ULK4: variants seen among roughly 807,000 people sequenced by gnomAD.
ULK4 encodes the protein unc-51 like kinase 4, also known as inactive serine/threonine-protein kinase ULK4.
In ULK4, 133 loss-of-function variants were observed where a neutral mutation model predicts 160.6. The ratio of observed to expected loss-of-function variants is 0.83; its 90% confidence interval spans 0.72 to 0.96. The LOEUF is 0.96. Ranked by LOEUF, ULK4 falls within the 40% of genes least tolerant of loss-of-function variation. ULK4 has a pLI of 0.00. For missense variants in ULK4, 1,580 were observed against 1,499.5 expected (o/e 1.05, Z -0.89); for synonymous variants, 534 against 539.8 (o/e 0.99, Z 0.15).
chr3:41,336,094 C>T (rs1475131920), intron 35 of ULK4, among the ~76,000 whole-genome samples: 1 of 152,176 alleles, frequency 6.6e-6, no homozygotes, highest in Non-Finnish European at 1.5e-5. Context: ...CCTAAACTTA[C>T]TCAGCTCTGG....
chr3:41,706,814 C>T lies in ULK4; in HGVS notation c.2635-1509G>A, dbSNP rs902134073. On this transcript the variant is annotated intron_variant, in intron 25 of 36. Coordinates refer to ENST00000301831, the MANE Select transcript of ULK4 (RefSeq NM_017886.4). Reference sequence around the variant, plus strand: ...CTGCAGTCCAGCCTGGCCGACAGAGCGAGACTCTGTCTCAAAAAAAAAAAA... The same window carrying T: ...CTGCAGTCCAGCCTGGCCGACAGAGTGAGACTCTGTCTCAAAAAAAAAAAA... 1.7e-4 allele frequency among the ~76,000 whole-genome samples: 20 copies of T among 119,808 alleles called. No individual in the cohort carries two copies. The East Asian group carries it at 3.6e-3, about 22-fold the overall frequency. 78.6% of individuals were successfully genotyped at this position (119,808 alleles called of 152,430 possible).
intron 18 of ULK4, among the ~76,000 whole-genome samples, chr3:41,831,633 C>T (rs1235560925): frequency 6.6e-6 from 1 of 151,360 alleles, no homozygotes; most frequent in African/African-American, 2.4e-5. Context: ...TTGTACCTAT[C>T]AACCCATCAT....
In ULK4 at chr3:41,800,179, G is replaced by A. The variant is rs371451906; in HGVS notation, c.1963C>T (p.Leu655=). Residue 655 remains leucine, a synonymous_variant, in exon 20 of 37, where the codon CTA becomes TTA. Coordinates refer to ENST00000301831, the MANE Select transcript of ULK4 (RefSeq NM_017886.4). ...TGEIGPILWY[L]FRHSTADSLR... is the part of the protein sequence containing the mutation. ...GAATCAGCAGTGGAGTGTCTGAATA[G>A]GTACCACAAAATGGGTCCTATTTCT... 2.2e-5 allele frequency: 35 copies of A among 1,613,652 alleles called. No individual in the cohort carries two copies. In the African/African-American group the frequency reaches 2.9e-4, roughly 14 times the overall value.
At chr3:41,445,367 A>G (rs1454403056) in intron 34 of ULK4, among the ~76,000 whole-genome samples, 1 of 152,240 alleles carries the variant, frequency 6.6e-6, no homozygotes, top group Admixed American at 6.5e-5. Context: ...GAATTGGAAA[A>G]AACAACTTTC....
At chr3:41,447,629 T>C (rs148417766) in intron 34 of ULK4, among the ~76,000 whole-genome samples, 129 of 152,300 alleles carry the variant, frequency 8.5e-4, no homozygotes, top group African/African-American at 3.0e-3. Flanking sequence ...GTAATGATGC[T>C]GTGGCATCTA....
chr3:41,745,064 C>T (rs189612525), intron 22 of ULK4, among the ~76,000 whole-genome samples: 1 of 151,406 alleles, frequency 6.6e-6, no homozygotes. Context: ...ACAAAAGCAT[C>T]TGAGAGACAG....
intron 30 of ULK4, among the ~76,000 whole-genome samples, chr3:41,642,225 C>A (rs1437724844): frequency 6.6e-6 from 1 of 151,954 alleles, no homozygotes; most frequent in Non-Finnish European, 1.5e-5. Context: ...TTTTAGGGTA[C>A]ATGTGCACAA....
intron 1 of ULK4, among the ~76,000 whole-genome samples, chr3:41,957,795 A>T (rs1700535673): frequency 6.6e-6 from 1 of 152,098 alleles, no homozygotes; most frequent in African/African-American, 2.4e-5. Flanking sequence ...CCACTTTGGG[A>T]GGCCAAGGAG....
At chr3:41,581,648 G>C (rs1302281657) in intron 31 of ULK4, among the ~76,000 whole-genome samples, 1 of 152,300 alleles carries the variant, frequency 6.6e-6, no homozygotes, top group East Asian at 1.9e-4. Flanking sequence ...GCCCACCCCA[G>C]GTCCTTACAC....
At chr3:41,675,814 A>G in intron 29 of ULK4, among the ~76,000 whole-genome samples, 1 of 152,212 alleles carries the variant, frequency 6.6e-6, no homozygotes, top group Admixed American at 6.5e-5. Context: ...ATTCTCCCTC[A>G]GGGCACCTGA....
chr3:41,701,642 T>C (rs1483697577), intron 27 of ULK4, among the ~76,000 whole-genome samples: 4 of 152,132 alleles, frequency 2.6e-5, no homozygotes, highest in Non-Finnish European at 4.4e-5. Context: ...CATACAAAAG[T>C]AGTAAATACG....
intron 21 of ULK4, among the ~76,000 whole-genome samples, chr3:41,755,380 A>G (rs2038766297): frequency 6.6e-6 from 1 of 152,192 alleles, no homozygotes; most frequent in Non-Finnish European, 1.5e-5. Context: ...TGTAAATTCT[A>G]TGCTACTTAA....
At chr3:41,266,208 G>A (rs527291211) in intron 35 of ULK4, among the ~76,000 whole-genome samples, 3 of 152,254 alleles carry the variant, frequency 2.0e-5, no homozygotes, top group Admixed American at 2.0e-4. Context: ...CCAGAGCAGC[G>A]GCTGGTGCAG....
rs1371363606 is a variant in ULK4 at position 41,746,327 on chromosome 3, C to T, written c.2321+8034G>A. On this transcript the variant is annotated intron_variant, in intron 22 of 36. Coordinates refer to ENST00000301831, the MANE Select transcript of ULK4 (RefSeq NM_017886.4). ...TACAACTGATAAATGAGTTTAGTAACGCTGTAGAAGATAAAATCAAAAAAC... is the reference window on the plus strand; with the variant it reads ...TACAACTGATAAATGAGTTTAGTAATGCTGTAGAAGATAAAATCAAAAAAC... Among the ~76,000 whole-genome samples the T allele has an allele frequency of 1.7e-4, 17 of 102,150 alleles. No homozygotes were observed. The East Asian group carries it at 2.1e-3, about 13-fold the overall frequency. 67.0% of individuals were successfully genotyped at this position (102,150 alleles called of 152,430 possible). A position where few individuals can be genotyped will look rare whatever the true frequency, so the allele number is the denominator to read the frequency against.
At chr3:41,659,834 T>C (rs534800227) in intron 30 of ULK4, among the ~76,000 whole-genome samples, 6 of 152,194 alleles carry the variant, frequency 3.9e-5, no homozygotes, top group South Asian at 2.1e-4. Context: ...AATTAGACAC[T>C]AGAAAAGTTA....
At chr3:41,911,090 A>G (rs886262714) in intron 11 of ULK4, among the ~76,000 whole-genome samples, 3 of 152,342 alleles carry the variant, frequency 2.0e-5, no homozygotes, top group Non-Finnish European at 1.5e-5. Context: ...TGGTAAAAAA[A>G]TAAGTTGGTT....
chr3:41,742,608 T>G (rs1301179065), intron 22 of ULK4, among the ~76,000 whole-genome samples: 1 of 151,812 alleles, frequency 6.6e-6, no homozygotes, highest in Non-Finnish European at 1.5e-5. Context: ...GAAAATCGCA[T>G]GAATCAAAAA....
chr3:41,698,281 A>G (rs1194686259), intron 27 of ULK4, among the ~76,000 whole-genome samples: 1 of 152,194 alleles, frequency 6.6e-6, no homozygotes, highest in Admixed American at 6.5e-5. Flanking sequence ...AAATGCTCTA[A>G]AATTTGAAAC....
At chr3:41,391,837 C>G (rs1019714703) in intron 35 of ULK4, among the ~76,000 whole-genome samples, 2 of 152,058 alleles carry the variant, frequency 1.3e-5, no homozygotes, top group Non-Finnish European at 2.9e-5. Flanking sequence ...ATCCTTAATG[C>G]TATTCATCTT....
Sources: allele counts gnomAD v4.1 joint callset (sites outside exome capture counted in the v4.1 genomes callset), GRCh38; gene constraint gnomAD v4.1.1; transcripts MANE v1.5; gene names NCBI Gene and HGNC (gene_info 2026-07-23, HGNC 2026-07-21).